The following INSR variants were observed in gnomAD, a reference collection of about 807,000 sequenced individuals.
INSR encodes the protein insulin receptor.
Under a neutral mutation model 142.6 loss-of-function variants are expected in INSR, and 67 were observed. The observed-to-expected ratio is 0.47, with a 90% CI of 0.39 to 0.58. INSR has a LOEUF of 0.58. INSR is among the 20% of genes least tolerant of loss of function. The pLI is 0.00. For missense variants in INSR, 1,248 were observed against 1,833.2 expected, an observed-to-expected ratio of 0.68 and a Z score of 5.83; for synonymous variants, 756 against 743.1, an observed-to-expected ratio of 1.02 and a Z score of -0.28.
rs372966428 is a variant in INSR at position 7,208,977 on chromosome 19, T to TG, written c.653-24341dup. 1.2e-3 allele frequency among the ~76,000 whole-genome samples: 189 copies of TG among 151,476 alleles called. 1 individual carries two copies. The highest frequency in any genetic ancestry group is 4.2e-3 in the African/African-American group (172 of 41,304). ...AAGATGGCGCCACTGCATTCCAGCC[T>TG]GGCAACAGAGCAAGACTCCATTAAA... On this transcript the variant is annotated intron_variant, in intron 2 of 21. Transcript: ENST00000302850.
intron 1 of INSR, chr19:7,268,453 TG>T: frequency 1.0e-6 from 1 of 985,324 alleles, no homozygotes; most frequent in Non-Finnish European, 1.2e-6. Context: ...CGATCTCCAT[TG>T]CCCAAATGCC....
intron 11 of INSR, among the ~76,000 whole-genome samples, chr19:7,143,699 A>C (rs769114191): frequency 6.6e-6 from 1 of 152,220 alleles, no homozygotes; most frequent in African/African-American, 2.4e-5. Flanking sequence ...CCTTAAGAAG[A>C]CATATTAAAC....
chr19:7,292,877 C>G (rs1968533612), intron 1 of INSR, among the ~76,000 whole-genome samples: 1 of 152,146 alleles, frequency 6.6e-6, no homozygotes, highest in Middle Eastern at 3.4e-3. Context: ...CTTCATGAAG[C>G]GCAGGGCTGA....
rs374701252 is a variant in INSR, at chr19:7,225,789, C to G, written c.653-41152G>C. Among the ~76,000 whole-genome samples the G allele has an allele frequency of 6.6e-6, 1 of 151,890 alleles. No homozygotes were observed. Among genetic ancestry groups the G allele is most frequent in the Non-Finnish European group, 1.5e-5 (1 of 67,938 alleles). On this transcript the variant is annotated intron_variant, in intron 2 of 21. Coordinates refer to ENST00000302850, the MANE Select transcript of INSR (RefSeq NM_000208.4). The surrounding 1 kb of genome is among the most constrained non-coding windows in gnomAD (Gnocchi z 4.7). ...TGGTCCAGGGGTCCTCAAATGGAGG[C>G]GATTCTGCCCACCAGGAGACACCTG...
In INSR at chr19:7,159,156, C is replaced by T. The variant is rs868277935; in HGVS notation, c.2029+3876G>A. Among the ~76,000 whole-genome samples, 7 of 152,260 alleles carry T rather than the reference C, an allele frequency of 4.6e-5. No individual in the cohort carries two copies. The highest frequency in any genetic ancestry group is 3.4e-3 in the Middle Eastern group (1 of 294). On this transcript the variant is annotated intron_variant, in intron 9 of 21. Coordinates refer to ENST00000302850, the MANE Select transcript of INSR (RefSeq NM_000208.4). This position sits in a 1 kb window ranked among gnomAD's most constrained non-coding sequence, Gnocchi z 4.3. ...GGCCTCAAAGTGATCCACCCCACCT[C>T]GGCCTCCCAGTGTGCTGGGATTACA...
At chr19:7,174,752 G>A (rs569375587) in intron 3 of INSR, 21 bp from the exon 4 acceptor site, 1 of 1,607,316 alleles carries the variant, frequency 6.2e-7, no homozygotes, top group South Asian at 1.1e-5. Context: ...AGCAGAGAGA[G>A]AGAGAAAGAG....
At position 7,142,799 on chromosome 19, in the gene INSR, C is replaced by T. The variant is rs372733437; in HGVS notation, c.2542+17G>A. The T allele has an allele frequency of 1.1e-5, 17 of 1,613,490 alleles. No homozygotes were observed. The African/African-American group carries it at 1.1e-4, about 10-fold the overall frequency. ...TGTCCCACCCATGACACTCGGACCC[C>T]GGAGCAGCAGCCCTACCTTCAGGCA... On this transcript the variant is annotated intron_variant, in intron 12 of 21. Coordinates refer to ENST00000302850, the MANE Select transcript of INSR (RefSeq NM_000208.4).
intron 2 of INSR, among the ~76,000 whole-genome samples, chr19:7,194,327 G>C (rs1024982070): frequency 6.6e-6 from 1 of 151,822 alleles, no homozygotes; most frequent in Non-Finnish European, 1.5e-5. Context: ...TGAGGCAGGA[G>C]AATTGCTTGA....
Position 7,125,561 on chromosome 19 carries a change from G to T in INSR, c.3014-34C>A. ...TACTTATCTACACAGCATCCTTGGA[G>T]GATCCCTTGGGGGTCTGCAGCCACC... is the stretch of plus-strand genomic sequence containing the variant. On this transcript the variant is annotated intron_variant, in intron 16 of 21. Transcript: ENST00000302850. The surrounding 1 kb of genome is among the most constrained non-coding windows in gnomAD (Gnocchi z 4.9). The T allele has an allele frequency of 6.2e-7, 1 of 1,609,072 alleles. No homozygotes were observed. The highest frequency in any genetic ancestry group is 1.1e-5 in the South Asian group (1 of 90,988).
At chr19:7,247,041 T>A (rs1044894585) in intron 2 of INSR, among the ~76,000 whole-genome samples, 1 of 151,954 alleles carries the variant, frequency 6.6e-6, no homozygotes, top group South Asian at 2.1e-4. Context: ...TCAGAGTGGT[T>A]TGCTACACAG....
At chr19:7,124,063 T>C (rs1490907127) in intron 17 of INSR, among the ~76,000 whole-genome samples, 3 of 139,834 alleles carry the variant, frequency 2.1e-5, no homozygotes, top group Non-Finnish European at 3.1e-5. Context: ...CTACTGAAAA[T>C]ACAAAAAAAT....
rs1230342692 is a variant in INSR at position 7,117,450 on chromosome 19, C to T, written c.3795-40G>A. 7 of 1,489,928 alleles carry T rather than the reference C, an allele frequency of 4.7e-6. No individual in the cohort carries two copies. The East Asian group carries it at 6.8e-5, about 14-fold the overall frequency. 92.3% of individuals were successfully genotyped at this position (1,489,928 alleles called of 1,614,324 possible). On this transcript the variant is annotated intron_variant, in intron 21 of 21. Coordinates refer to ENST00000302850, the MANE Select transcript of INSR (RefSeq NM_000208.4). ...GACACGTCCTGGGTGAGTCTGGGGG[C>T]CCTGCCACGCATCCTCCCAAACCCC...
chr19:7,251,571 T>C (rs1043688280), intron 2 of INSR, among the ~76,000 whole-genome samples: 1 of 151,982 alleles, frequency 6.6e-6, no homozygotes, highest in African/African-American at 2.4e-5. Context: ...ATCAATTTTT[T>C]TTTTTAATGG....
chr19:7,248,505 A>AAAAG (rs1568216350), intron 2 of INSR, among the ~76,000 whole-genome samples: 4 of 130,386 alleles, frequency 3.1e-5, no homozygotes, highest in Admixed American at 8.6e-5. Flanking sequence ...AAAAAAAAAA[A>AAAAG]AAAGCATGAC....
At chr19:7,155,749 C>T (rs1300252260) in intron 9 of INSR, among the ~76,000 whole-genome samples, 1 of 151,138 alleles carries the variant, frequency 6.6e-6, no homozygotes, top group East Asian at 2.0e-4. Context: ...TCCGTCTCTA[C>T]CAAAAAATAC....
chr19:7,124,065 C>T (rs1204368657), intron 17 of INSR, among the ~76,000 whole-genome samples: 2 of 142,950 alleles, frequency 1.4e-5, no homozygotes, highest in East Asian at 4.2e-4. Flanking sequence ...ACTGAAAATA[C>T]AAAAAAATTA....
At chr19:7,272,731 C>A (rs1030926871) in intron 1 of INSR, among the ~76,000 whole-genome samples, 3 of 152,138 alleles carry the variant, frequency 2.0e-5, no homozygotes, top group Non-Finnish European at 4.4e-5. Flanking sequence ...CAGACATGCA[C>A]CACCATGCCC....
intron 2 of INSR, among the ~76,000 whole-genome samples, chr19:7,254,321 G>A (rs1976824666): frequency 6.6e-6 from 1 of 151,958 alleles, no homozygotes; most frequent in Non-Finnish European, 1.5e-5. Flanking sequence ...TTTGTGAGCT[G>A]CCTGGGAAAC....
intron 2 of INSR, among the ~76,000 whole-genome samples, chr19:7,200,808 T>G: frequency 7.2e-6 from 1 of 139,726 alleles, no homozygotes; most frequent in African/African-American, 2.8e-5. Flanking sequence ...TGCAGTGAGC[T>G]AGGATCACGC....
Sources: gnomAD v4.1 joint callset for allele counts (sites outside exome capture counted in the v4.1 genomes callset) on GRCh38, gnomAD v4.1.1 for gene constraint, Gnocchi (gnomAD v3.1) non-coding constraint, MANE v1.5 for transcripts, NCBI Gene and HGNC (gene_info 2026-07-23, HGNC 2026-07-21) for gene names.